The following MTHFD1L variants were observed in gnomAD, a reference collection of about 807,000 sequenced individuals.
MTHFD1L encodes the protein monofunctional C1-tetrahydrofolate synthase, mitochondrial.
MTHFD1L carries 81 observed loss-of-function variants against 119.5 expected under a neutral mutation model. That is an observed-to-expected ratio of 0.68 (90% CI 0.57 to 0.82). The LOEUF (loss-of-function observed/expected upper bound fraction) is 0.82, where lower values mean the gene tolerates loss of function less well. MTHFD1L is among the 40% of genes least tolerant of loss of function. The probability of loss-of-function intolerance (pLI) is 0.00; values close to 1 mark genes in which losing one functional copy is unlikely to be tolerated. For missense variants in MTHFD1L, 1,125 were observed against 1,253.4 expected, an observed-to-expected ratio of 0.90 and a Z score of 1.55; for synonymous variants, 430 against 475.2, an observed-to-expected ratio of 0.90 and a Z score of 1.24.
intron 26 of MTHFD1L, 46 bp downstream of exon 26, chr6:151,037,163 T>C (rs9478918): frequency 0.87 from 1,391,064 of 1,605,494 alleles, 603,607 homozygotes; most frequent in African/African-American, 0.94. Flanking sequence ...TCTGCATTGC[T>C]GTGGTGCCTC....
chr6:151,080,059 T>C (rs1196355901), intron 26 of MTHFD1L, among the ~76,000 whole-genome samples: 1 of 151,514 alleles, frequency 6.6e-6, no homozygotes, highest in African/African-American at 2.4e-5. Context: ...CATCCATAAA[T>C]CCCAGCCACT....
intron 8 of MTHFD1L, chr6:150,912,562 G>T: frequency 3.1e-6 from 1 of 326,900 alleles, no homozygotes; most frequent in Admixed American, 3.5e-5. Context: ...GATTGTTCTG[G>T]CAAAGTTCCC....
intron 26 of MTHFD1L, among the ~76,000 whole-genome samples, chr6:151,051,366 A>C (rs142135002): frequency 2.0e-5 from 3 of 152,236 alleles, no homozygotes; most frequent in Middle Eastern, 3.4e-3. Flanking sequence ...CGTCATCATC[A>C]TCATCACCAT....
At chr6:150,900,993 C>T (rs1386277826) in intron 7 of MTHFD1L, among the ~76,000 whole-genome samples, 6 of 147,074 alleles carry the variant, frequency 4.1e-5, no homozygotes, top group African/African-American at 1.3e-4. Context: ...CCAGCCTGGA[C>T]GACAGAGTGA....
intron 7 of MTHFD1L, among the ~76,000 whole-genome samples, chr6:150,890,274 A>G (rs1783017040): frequency 1.4e-5 from 2 of 143,408 alleles, no homozygotes; most frequent in South Asian, 4.4e-4. Context: ...CAGCATGTTT[A>G]TAGTGCAAAA....
At chr6:151,076,050 G>A (rs1119602) in intron 26 of MTHFD1L, among the ~76,000 whole-genome samples, 109,187 of 152,166 alleles carry the variant, frequency 0.72, 41,798 homozygotes, top group East Asian at 0.91. Flanking sequence ...GAATACCGCT[G>A]CATAGCTATT....
At chr6:151,077,607 G>A (rs1792665119) in intron 26 of MTHFD1L, among the ~76,000 whole-genome samples, 1 of 152,186 alleles carries the variant, frequency 6.6e-6, no homozygotes. Context: ...CTTGAACTTG[G>A]GAGGTAGAGG....
intron 20 of MTHFD1L, among the ~76,000 whole-genome samples, chr6:150,993,283 G>A (rs1001463850): frequency 6.6e-6 from 1 of 151,922 alleles, no homozygotes; most frequent in African/African-American, 2.4e-5. Flanking sequence ...ACAAACAAAT[G>A]AGCAGAATTT....
chr6:150,875,020 T>G (rs1201828345), intron 1 of MTHFD1L, among the ~76,000 whole-genome samples: 1 of 151,814 alleles, frequency 6.6e-6, no homozygotes, highest in Admixed American at 6.6e-5. Flanking sequence ...AGTGCTGGGA[T>G]TACAGGCGTG....
chr6:150,941,663 G>A (rs1793140556), intron 13 of MTHFD1L, among the ~76,000 whole-genome samples: 1 of 152,148 alleles, frequency 6.6e-6, no homozygotes, highest in South Asian at 2.1e-4. Flanking sequence ...ATTCAAGGAC[G>A]ACATCCAGGG....
At chr6:151,070,107 T>C (rs1791800284) in intron 26 of MTHFD1L, among the ~76,000 whole-genome samples, 1 of 152,142 alleles carries the variant, frequency 6.6e-6, no homozygotes, top group Non-Finnish European at 1.5e-5. Context: ...AACTCGGGTG[T>C]TTTTCTGATC....
At chr6:151,014,840 A>T in intron 22 of MTHFD1L, 40 bp from the exon 23 acceptor site, 1 of 1,554,484 alleles carries the variant, frequency 6.4e-7, no homozygotes, top group East Asian at 2.3e-5. Flanking sequence ...GTGGGAGACA[A>T]TACACAGGGG....
At chr6:150,893,156 A>C (rs966644016) in intron 7 of MTHFD1L, among the ~76,000 whole-genome samples, 2 of 152,136 alleles carry the variant, frequency 1.3e-5, no homozygotes, top group Non-Finnish European at 2.9e-5. Flanking sequence ...CCTCTGCCTC[A>C]TGGGTTCAAG....
chr6:150,866,724 T>C, intron 1 of MTHFD1L: 3 of 1,083,438 alleles, frequency 2.8e-6, no homozygotes, highest in Non-Finnish European at 3.4e-6. Context: ...GCCCACGGAG[T>C]CCCCGCGCAG....
intron 7 of MTHFD1L, among the ~76,000 whole-genome samples, chr6:150,897,322 T>C (rs1784398030): frequency 6.6e-6 from 1 of 152,232 alleles, no homozygotes; most frequent in African/African-American, 2.4e-5. Flanking sequence ...CTGTACCTTA[T>C]TAGGCAAAAT....
At chr6:151,084,218 T>C (rs1793499871) in intron 26 of MTHFD1L, among the ~76,000 whole-genome samples, 1 of 152,164 alleles carries the variant, frequency 6.6e-6, no homozygotes, top group South Asian at 2.1e-4. Flanking sequence ...AAAAAGGTGC[T>C]ACCAAAGAAG....
At chr6:151,061,739 GTCT>G (rs774163795) in intron 26 of MTHFD1L, among the ~76,000 whole-genome samples, 4 of 152,160 alleles carry the variant, frequency 2.6e-5, no homozygotes, top group Non-Finnish European at 5.9e-5. Context: ...TTAAAACCAG[GTCT>G]TCTAGAGAGA....
At chr6:151,033,932 T>A (rs918240795) in intron 24 of MTHFD1L, among the ~76,000 whole-genome samples, 1 of 152,122 alleles carries the variant, frequency 6.6e-6, no homozygotes, top group African/African-American at 2.4e-5. Context: ...TCCCAGTACT[T>A]TGGGAGGCCG....
At chr6:151,024,237 C>T (rs967842115) in intron 24 of MTHFD1L, among the ~76,000 whole-genome samples, 1 of 152,098 alleles carries the variant, frequency 6.6e-6, no homozygotes, top group African/African-American at 2.4e-5. Context: ...CGAGCAGATG[C>T]ATCATGAGAA....
Sources: allele counts gnomAD v4.1 joint callset (sites outside exome capture counted in the v4.1 genomes callset), GRCh38; gene constraint gnomAD v4.1.1; transcripts MANE v1.5; gene names NCBI Gene and HGNC (gene_info 2026-07-23, HGNC 2026-07-21).